LAMA2: variants seen among roughly 807,000 people sequenced by gnomAD.
LAMA2 encodes laminin subunit alpha-2.
A neutral mutation model predicts 364.8 loss-of-function variants in LAMA2; 269 were observed. The ratio of observed to expected loss-of-function variants is 0.74; its 90% CI spans 0.67 to 0.82. The LOEUF (loss-of-function observed/expected upper bound fraction) is 0.82, where lower values mean the gene tolerates loss of function less well. Ranked by LOEUF, LAMA2 falls within the 40% of genes least tolerant of loss-of-function variation. The pLI, the probability that LAMA2 is intolerant of heterozygous loss-of-function variation, is 0.00. For missense variants in LAMA2, 3,807 were observed against 3,873.2 expected (o/e 0.98, Z 0.45); for synonymous variants, 1,379 against 1,370.6 (o/e 1.01, Z -0.14).
At chr6:129,129,902 C>T (rs1266253223) in intron 4 of LAMA2, among the ~76,000 whole-genome samples, 206 of 129,218 alleles carry the variant, frequency 1.6e-3, no homozygotes, top group African/African-American at 5.9e-3. Context: ...CCAGCCTGGG[C>T]GACAGAGCGA....
chr6:129,059,801 A>C lies in LAMA2; in HGVS notation c.301A>C (p.Asn101His). 6.2e-7 allele frequency: 1 copy of C among 1,605,032 alleles called. No homozygotes were observed. Among genetic ancestry groups the C allele is most frequent in the Non-Finnish European group, 8.5e-7 (1 of 1,171,790 alleles). The change falls in exon 3 of 65, where the codon AAT becomes CAT. Residue 101 changes from asparagine (N) to histidine (H), a missense_variant. Transcript: ENST00000421865. ...CTCAATAGAGAGACACCCGATTACA[A>C]ATGCTATTGATGGAAAGAACACTTG... ...SNPNQRHPIT[N>H]AIDGKNTWWQ...
At chr6:129,337,990 A>T (rs1302926821) in intron 29 of LAMA2, among the ~76,000 whole-genome samples, 1 of 152,176 alleles carries the variant, frequency 6.6e-6, no homozygotes, top group East Asian at 1.9e-4. Flanking sequence ...TGTGGACCTA[A>T]CCAGGACATT....
chr6:128,885,811 T>C (rs1776121535), intron 1 of LAMA2, among the ~76,000 whole-genome samples: 1 of 152,200 alleles, frequency 6.6e-6, no homozygotes, highest in South Asian at 2.1e-4. Flanking sequence ...GTGGTTTCTA[T>C]AGCATACTCG....
chr6:129,140,874 A>G (rs908590327), intron 4 of LAMA2, among the ~76,000 whole-genome samples: 2 of 152,132 alleles, frequency 1.3e-5, no homozygotes, highest in African/African-American at 4.8e-5. Flanking sequence ...CTTGATGAAA[A>G]TACCAAAGCT....
At chr6:129,509,558 A>G (rs564083071) in intron 62 of LAMA2, among the ~76,000 whole-genome samples, 1 of 152,228 alleles carries the variant, frequency 6.6e-6, no homozygotes, top group African/African-American at 2.4e-5. Flanking sequence ...ATCTAGTTTC[A>G]TTCTTCCGCA....
intron 1 of LAMA2, among the ~76,000 whole-genome samples, chr6:128,922,790 A>G (rs1778822465): frequency 1.3e-5 from 2 of 152,160 alleles, no homozygotes; most frequent in South Asian, 2.1e-4. Flanking sequence ...GCCCATGCCT[A>G]TGTCCTGAAT....
intron 17 of LAMA2, among the ~76,000 whole-genome samples, chr6:129,272,639 CA>C (rs1465076986): frequency 6.6e-6 from 1 of 152,050 alleles, no homozygotes; most frequent in Non-Finnish European, 1.5e-5. Flanking sequence ...ATTTATCTAG[CA>C]AGGTTTTGAG....
intron 29 of LAMA2, among the ~76,000 whole-genome samples, chr6:129,334,516 A>G (rs1258702079): frequency 6.6e-6 from 1 of 152,200 alleles, no homozygotes; most frequent in Non-Finnish European, 1.5e-5. Flanking sequence ...ATTATCTACC[A>G]TTTATAGTCG....
In LAMA2 at chr6:129,464,246, T is replaced by C. The variant is rs1414736; in HGVS notation, c.6993-44T>C. The C allele has an allele frequency of 0.6, 923,698 of 1,545,330 alleles. 279,127 individuals carry two copies. Among genetic ancestry groups the C allele is most frequent in the African/African-American group, 0.82 (60,392 of 73,478 alleles). On this transcript the variant is annotated intron_variant, in intron 49 of 64. Transcript: ENST00000421865. ...AGTGATGCATTGAATAATGACAGAC[T>C]GAATAGATATGATCTGATTCATGTG...
intron 17 of LAMA2, among the ~76,000 whole-genome samples, chr6:129,279,574 C>T (rs990506296): frequency 9.9e-5 from 15 of 152,084 alleles, no homozygotes; most frequent in African/African-American, 2.9e-4. Context: ...AAGCACATGC[C>T]GCAGCCTGCA....
chr6:129,013,046 G>A (rs4349827), intron 1 of LAMA2, among the ~76,000 whole-genome samples: 7,231 of 152,228 alleles, frequency 0.048, 561 homozygotes, highest in African/African-American at 0.17. Flanking sequence ...AAAGCAAATT[G>A]TCCAAATGTC....
rs560073305 is a variant in LAMA2 at position 128,907,988 on chromosome 6, C to G, written c.112+24631C>G. On this transcript the variant is annotated intron_variant, in intron 1 of 64. Coordinates refer to ENST00000421865, the MANE Select transcript of LAMA2 (RefSeq NM_000426.4). ...CCTTGCATCCCAGGGATGAAGCCCA[C>G]TTGATCATGGTGGATAAGCTTTTTG... 3.3e-3 allele frequency among the ~76,000 whole-genome samples: 502 copies of G among 152,140 alleles called. 2 individuals carry two copies. The highest frequency in any genetic ancestry group is 0.01 in the Middle Eastern group (3 of 294).
At chr6:129,306,605 G>A (rs1473458562) in intron 22 of LAMA2, among the ~76,000 whole-genome samples, 1 of 150,594 alleles carries the variant, frequency 6.6e-6, no homozygotes, top group Non-Finnish European at 1.5e-5. Flanking sequence ...TGTATGTTGG[G>A]CCAATTGATA....
intron 4 of LAMA2, among the ~76,000 whole-genome samples, chr6:129,101,077 G>A (rs1184914689): frequency 6.6e-6 from 1 of 152,116 alleles, no homozygotes. Flanking sequence ...AATTGTTTAT[G>A]TTCAAAACTT....
intron 1 of LAMA2, among the ~76,000 whole-genome samples, chr6:128,963,618 A>T (rs1781669433): frequency 6.6e-6 from 1 of 152,122 alleles, no homozygotes; most frequent in African/African-American, 2.4e-5. Flanking sequence ...AAAACAACCA[A>T]ACACTCCACT....
At chr6:128,914,320 A>G (rs1778168162) in intron 1 of LAMA2, among the ~76,000 whole-genome samples, 1 of 152,186 alleles carries the variant, frequency 6.6e-6, no homozygotes, top group African/African-American at 2.4e-5. Flanking sequence ...CTACTTAAAT[A>G]GTAGGTGAAT....
chr6:128,938,518 A>G (rs1264794941), intron 1 of LAMA2, among the ~76,000 whole-genome samples: 1 of 152,160 alleles, frequency 6.6e-6, no homozygotes, highest in East Asian at 1.9e-4. Flanking sequence ...AGGCAAACAT[A>G]AGATTTTTTT....
chr6:129,350,085 T>C (rs1447057047), intron 31 of LAMA2, among the ~76,000 whole-genome samples: 1 of 152,192 alleles, frequency 6.6e-6, no homozygotes, highest in Non-Finnish European at 1.5e-5. Flanking sequence ...CTTCCAGATA[T>C]ATATTTTCTG....
intron 32 of LAMA2, among the ~76,000 whole-genome samples, chr6:129,355,230 C>G (rs1403758848): frequency 6.6e-6 from 1 of 152,114 alleles, no homozygotes; most frequent in African/African-American, 2.4e-5. Context: ...GTGATTTCCA[C>G]TTACTTCTAG....
Sources: gnomAD v4.1 joint callset for allele counts (sites outside exome capture counted in the v4.1 genomes callset) on GRCh38, gnomAD v4.1.1 for gene constraint, MANE v1.5 for transcripts, NCBI Gene and HGNC (gene_info 2026-07-23, HGNC 2026-07-21) for gene names.